CNTNAP5: variants seen among roughly 807,000 people sequenced by gnomAD.
CNTNAP5 encodes contactin-associated protein-like 5.
CNTNAP5 carries 72 observed loss-of-function variants against 150.2 expected under a neutral mutation model. The observed-to-expected ratio is 0.48, with a 90% CI of 0.40 to 0.58. The LOEUF (loss-of-function observed/expected upper bound fraction) is 0.58. Among genes scored for constraint, CNTNAP5 ranks in the 20% least tolerant of loss-of-function variants. The pLI is 0.00. For synonymous variants in CNTNAP5, 672 were observed against 619.8 expected (o/e 1.08, Z -1.25); for missense variants, 1,636 against 1,626.2 (o/e 1.01, Z -0.10).
rs183572182 is a variant in CNTNAP5, at chr2:124,810,819, C to T, written c.3217+12499C>T. ...CTCTGGGAGGGTGCATTTAACAATA[C>T]ACAGAGACATTTTTCATTGTCAAGA... On this transcript the variant is annotated intron_variant, in intron 19 of 23. Transcript: ENST00000682447. 2.7e-3 allele frequency among the ~76,000 whole-genome samples: 413 copies of T among 152,154 alleles called. 5 individuals are homozygous for T. Among genetic ancestry groups the T allele is most frequent in the African/African-American group, 9.5e-3 (396 of 41,520 alleles).
intron 19 of CNTNAP5, among the ~76,000 whole-genome samples, chr2:124,862,807 T>C (rs1327524371): frequency 6.6e-6 from 1 of 152,164 alleles, no homozygotes; most frequent in East Asian, 1.9e-4. Context: ...CCAAGAGTCA[T>C]GTGAAATGAG....
intron 11 of CNTNAP5, among the ~76,000 whole-genome samples, chr2:124,585,669 CTTTTTTTT>C (rs33978614): frequency 4.5e-5 from 3 of 66,398 alleles, no homozygotes; most frequent in Non-Finnish European, 8.1e-5. Flanking sequence ...GAGCTTGAAG[CTTTTTTTT>C]TTTTTTTTTT....
At position 124,116,162 on chromosome 2, in the gene CNTNAP5, AGC is replaced by A. The variant is rs1175182693; in HGVS notation, c.82+90431_82+90432del. Among the ~76,000 whole-genome samples, 4 of 152,208 alleles carry A rather than the reference AGC, an allele frequency of 2.6e-5. No individual in the cohort carries two copies. In the East Asian group the frequency reaches 7.7e-4, roughly 29 times the overall value. On this transcript the variant is annotated intron_variant, in intron 1 of 23. Transcript: ENST00000682447. ...GAACTAATAAGAGGAAAAACATAGC[AGC>A]ACTTACAGCAGAAGGAAAATCCAGA...
chr2:124,709,228 T>C (rs202216902), intron 13 of CNTNAP5, among the ~76,000 whole-genome samples: 2 of 146,538 alleles, frequency 1.4e-5, no homozygotes, highest in Admixed American at 6.7e-5. Flanking sequence ...TGTGTGTGTG[T>C]GTGCGTGTGT....
chr2:124,081,926 A>G (rs552655400), intron 1 of CNTNAP5, among the ~76,000 whole-genome samples: 113 of 152,312 alleles, frequency 7.4e-4, no homozygotes, highest in African/African-American at 2.7e-3. Flanking sequence ...AAAGTATGAG[A>G]ATTTTATATC....
chr2:124,202,733 G>A (rs929954478), intron 1 of CNTNAP5, among the ~76,000 whole-genome samples: 1 of 152,146 alleles, frequency 6.6e-6, no homozygotes, highest in Non-Finnish European at 1.5e-5. Context: ...CAGGGGAACA[G>A]CCCTTTATTA....
At chr2:124,374,770 C>T (rs951277333) in intron 3 of CNTNAP5, among the ~76,000 whole-genome samples, 10 of 151,918 alleles carry the variant, frequency 6.6e-5, no homozygotes, top group Non-Finnish European at 1.5e-4. Flanking sequence ...ACCAGGGATT[C>T]TTGGAGAAGT....
chr2:124,799,410 A>G (rs189247149), intron 19 of CNTNAP5, among the ~76,000 whole-genome samples: 1 of 152,328 alleles, frequency 6.6e-6, no homozygotes, highest in East Asian at 1.9e-4. Context: ...TCAAAAACTT[A>G]TGGGGTAGAA....
intron 1 of CNTNAP5, among the ~76,000 whole-genome samples, chr2:124,203,817 A>AT (rs1300404706): frequency 1.3e-5 from 2 of 152,014 alleles, no homozygotes; most frequent in Non-Finnish European, 2.9e-5. Context: ...CCACAAAACT[A>AT]TTTTTTCCTT....
At chr2:124,032,509 C>T (rs1681083616) in intron 1 of CNTNAP5, among the ~76,000 whole-genome samples, 1 of 151,824 alleles carries the variant, frequency 6.6e-6, no homozygotes, top group South Asian at 2.1e-4. Flanking sequence ...TACAATAACT[C>T]AAGTGACAAT....
intron 1 of CNTNAP5, among the ~76,000 whole-genome samples, chr2:124,074,458 A>G (rs1682387943): frequency 6.6e-6 from 1 of 152,132 alleles, no homozygotes; most frequent in Non-Finnish European, 1.5e-5. Context: ...TGTACCCCAT[A>G]AATATATACA....
intron 1 of CNTNAP5, among the ~76,000 whole-genome samples, chr2:124,078,325 A>G (rs895622140): frequency 2.0e-5 from 3 of 152,184 alleles, no homozygotes; most frequent in Admixed American, 6.5e-5. Flanking sequence ...CACTTGTAAT[A>G]GCTTATTGTA....
chr2:124,225,907 A>G (rs1160168804), intron 2 of CNTNAP5, among the ~76,000 whole-genome samples: 1 of 152,196 alleles, frequency 6.6e-6, no homozygotes, highest in Non-Finnish European at 1.5e-5. Context: ...TTCACTTAGT[A>G]CAATGCCCAC....
At chr2:124,697,821 A>T (rs1679435336) in intron 13 of CNTNAP5, among the ~76,000 whole-genome samples, 1 of 152,180 alleles carries the variant, frequency 6.6e-6, no homozygotes, top group South Asian at 2.1e-4. Context: ...TATACTAGGC[A>T]CTGTTCTATG....
intron 19 of CNTNAP5, among the ~76,000 whole-genome samples, chr2:124,814,165 G>A (rs314707): frequency 0.87 from 131,558 of 151,456 alleles, 57,533 homozygotes; most frequent in African/African-American, 0.96. Context: ...ATATTAAGTT[G>A]TGCTCAGATG....
chr2:124,488,604 T>C (rs1403135508), intron 7 of CNTNAP5, among the ~76,000 whole-genome samples: 2 of 152,266 alleles, frequency 1.3e-5, no homozygotes, highest in African/African-American at 2.4e-5. Context: ...TGGTGATCGA[T>C]AAATGTTGAA....
chr2:124,827,585 G>A (rs1682623448), intron 19 of CNTNAP5, among the ~76,000 whole-genome samples: 1 of 152,174 alleles, frequency 6.6e-6, no homozygotes, highest in Non-Finnish European at 1.5e-5. Flanking sequence ...GAACCCTGGT[G>A]TCACAGTATC....
At chr2:124,072,704 A>G (rs1682335424) in intron 1 of CNTNAP5, among the ~76,000 whole-genome samples, 1 of 151,968 alleles carries the variant, frequency 6.6e-6, no homozygotes, top group Admixed American at 6.6e-5. Context: ...AATATTGATG[A>G]AAAAAAGAGG....
At chr2:124,878,371 A>G (rs1407312185) in intron 21 of CNTNAP5, among the ~76,000 whole-genome samples, 1 of 152,086 alleles carries the variant, frequency 6.6e-6, no homozygotes, top group Non-Finnish European at 1.5e-5. Context: ...GACAATTATA[A>G]TTCCAAAAAT....
Sources: allele counts gnomAD v4.1 joint callset (sites outside exome capture counted in the v4.1 genomes callset), GRCh38; gene constraint gnomAD v4.1.1; transcripts MANE v1.5; gene names NCBI Gene and HGNC (gene_info 2026-07-23, HGNC 2026-07-21).